Variants in ITGBL1 observed in about 807,000 individuals in gnomAD.
ITGBL1 encodes the protein integrin beta-like protein 1.
In ITGBL1, 51 loss-of-function variants were observed where a neutral mutation model predicts 68.5. The ratio of observed to expected loss-of-function variants is 0.74; its 90% confidence interval spans 0.59 to 0.94. ITGBL1 has a LOEUF of 0.94. Among genes scored for constraint, ITGBL1 ranks in the 40% least tolerant of loss-of-function variants. The pLI is 0.00. For synonymous variants in ITGBL1, 209 were observed against 227.3 expected (o/e 0.92, Z 0.72); for missense variants, 649 against 647.4 (o/e 1.00, Z -0.03).
chr13:101,500,832 A>G (rs774065534), intron 2 of ITGBL1, among the ~76,000 whole-genome samples: 11 of 152,200 alleles, frequency 7.2e-5, no homozygotes, highest in Non-Finnish European at 1.5e-4. Context: ...TAGATGAAAT[A>G]TCAGAGTCTA....
In ITGBL1 at chr13:101,647,786, C is replaced by T. The variant is rs117412898; in HGVS notation, c.1016-44799C>T. 3.2e-3 allele frequency among the ~76,000 whole-genome samples: 491 copies of T among 152,056 alleles called. 4 individuals carry two copies. The highest frequency in any genetic ancestry group is 0.023 in the East Asian group (119 of 5,180). On this transcript the variant is annotated intron_variant, in intron 7 of 10. Coordinates refer to ENST00000376180, the MANE Select transcript of ITGBL1 (RefSeq NM_004791.3). Reference sequence around the variant, plus strand: ...CATGACCTTGGAGACAAAGGAGGTGCGAAAAAGGGAGCCAGCTATTCCACC... The same window carrying T: ...CATGACCTTGGAGACAAAGGAGGTGTGAAAAAGGGAGCCAGCTATTCCACC...
At chr13:101,537,342 G>A (rs2049596742) in intron 2 of ITGBL1, among the ~76,000 whole-genome samples, 1 of 151,748 alleles carries the variant, frequency 6.6e-6, no homozygotes, top group Non-Finnish European at 1.5e-5. Flanking sequence ...ATTTAAAATG[G>A]AATACATATT....
chr13:101,640,861 A>C (rs995218528), intron 7 of ITGBL1, among the ~76,000 whole-genome samples: 3 of 152,122 alleles, frequency 2.0e-5, no homozygotes, highest in Non-Finnish European at 1.5e-5. Context: ...CCCACTTATA[A>C]ATGAAAACCT....
At chr13:101,557,602 T>C (rs2050028325) in intron 2 of ITGBL1, among the ~76,000 whole-genome samples, 1 of 152,200 alleles carries the variant, frequency 6.6e-6, no homozygotes, top group Admixed American at 6.5e-5. Flanking sequence ...CATATTTTTT[T>C]TCAGTAAAAC....
intron 2 of ITGBL1, among the ~76,000 whole-genome samples, chr13:101,549,549 A>T (rs183975893): frequency 2.0e-5 from 3 of 152,162 alleles, no homozygotes; most frequent in Admixed American, 6.5e-5. Context: ...AACATACAGA[A>T]TTGAATGCCC....
chr13:101,537,711 A>G (rs1408100684), intron 2 of ITGBL1, among the ~76,000 whole-genome samples: 1 of 152,040 alleles, frequency 6.6e-6, no homozygotes, highest in Non-Finnish European at 1.5e-5. Flanking sequence ...TGTCATGTGG[A>G]TCACAATGTA....
intron 6 of ITGBL1, among the ~76,000 whole-genome samples, chr13:101,589,727 A>G (rs1004286115): frequency 4.6e-5 from 7 of 152,322 alleles, no homozygotes; most frequent in South Asian, 4.1e-4. Context: ...TATTGAGAAG[A>G]TTATTGAGGA....
At chr13:101,526,797 G>A (rs568114998) in intron 2 of ITGBL1, among the ~76,000 whole-genome samples, 1 of 151,898 alleles carries the variant, frequency 6.6e-6, no homozygotes, top group South Asian at 2.1e-4. Context: ...ATAGATTTAT[G>A]TATTATCTGC....
intron 2 of ITGBL1, among the ~76,000 whole-genome samples, chr13:101,459,083 G>A (rs2048283904): frequency 6.6e-6 from 1 of 152,104 alleles, no homozygotes; most frequent in African/African-American, 2.4e-5. Flanking sequence ...AGAAATCACA[G>A]GAAAGAACCA....
intron 2 of ITGBL1, among the ~76,000 whole-genome samples, chr13:101,556,654 A>G (rs2050012036): frequency 6.6e-6 from 1 of 152,124 alleles, no homozygotes; most frequent in Non-Finnish European, 1.5e-5. Context: ...TAGAAGAAGA[A>G]AAGAGACACA....
intron 6 of ITGBL1, among the ~76,000 whole-genome samples, chr13:101,589,411 A>G (rs1333047353): frequency 6.6e-6 from 1 of 152,208 alleles, no homozygotes; most frequent in Non-Finnish European, 1.5e-5. Flanking sequence ...ACTGGTGACC[A>G]TACATTCGCT....
intron 2 of ITGBL1, among the ~76,000 whole-genome samples, chr13:101,475,924 A>G (rs1002533462): frequency 6.6e-6 from 1 of 152,212 alleles, no homozygotes. Flanking sequence ...GATTTCATCA[A>G]TATCAGATGT....
intron 2 of ITGBL1, among the ~76,000 whole-genome samples, chr13:101,454,563 T>G (rs2048215450): frequency 6.6e-6 from 1 of 152,176 alleles, no homozygotes; most frequent in Admixed American, 6.5e-5. Context: ...TTCCCCAATG[T>G]CCTCACAAAT....
intron 2 of ITGBL1, among the ~76,000 whole-genome samples, chr13:101,528,960 T>A (rs932668308): frequency 1.3e-5 from 2 of 151,816 alleles, no homozygotes; most frequent in African/African-American, 4.8e-5. Flanking sequence ...TAAATGACAT[T>A]AAGAATATAA....
chr13:101,655,228 C>T (rs766601552), intron 7 of ITGBL1, among the ~76,000 whole-genome samples: 1 of 152,184 alleles, frequency 6.6e-6, no homozygotes, highest in Non-Finnish European at 1.5e-5. Context: ...AATCTCACCA[C>T]ACTGCTAGAT....
chr13:101,691,947 A>G (rs1186735110), intron 7 of ITGBL1, among the ~76,000 whole-genome samples: 1 of 152,244 alleles, frequency 6.6e-6, no homozygotes, highest in East Asian at 1.9e-4. Context: ...GAAAGTCAGC[A>G]TAATGGGACT....
At chr13:101,710,168 T>A (rs148389559) in intron 9 of ITGBL1, among the ~76,000 whole-genome samples, 95 of 152,316 alleles carry the variant, frequency 6.2e-4, no homozygotes, top group Non-Finnish European at 9.1e-4. Context: ...TATTTGTTTA[T>A]CCTTCAATGG....
intron 7 of ITGBL1, among the ~76,000 whole-genome samples, chr13:101,689,041 T>C (rs552907344): frequency 1.1e-4 from 7 of 62,276 alleles, no homozygotes; most frequent in Admixed American, 5.8e-4. Context: ...CTACTAAAAA[T>C]AGAAAAAAAA....
chr13:101,624,529 C>A (rs1023907481), intron 7 of ITGBL1, among the ~76,000 whole-genome samples: 3 of 152,092 alleles, frequency 2.0e-5, no homozygotes, highest in Non-Finnish European at 4.4e-5. Context: ...TGAATTGAGA[C>A]CAAAAGAAAA....
Sources: allele counts gnomAD v4.1 joint callset (sites outside exome capture counted in the v4.1 genomes callset), GRCh38; gene constraint gnomAD v4.1.1; transcripts MANE v1.5; gene names NCBI Gene and HGNC (gene_info 2026-07-23, HGNC 2026-07-21).